The following HERC1 variants were observed in gnomAD, a reference collection of about 807,000 sequenced individuals.
The protein encoded by HERC1 is HECT and RLD domain containing E3 ubiquitin protein ligase family member 1, also known as probable E3 ubiquitin-protein ligase HERC1.
HERC1 carries 160 observed loss-of-function variants against 554.3 expected under a neutral mutation model. The ratio of observed to expected loss-of-function variants is 0.29; its 90% CI spans 0.25 to 0.33. The LOEUF is 0.33. Among genes scored for constraint, HERC1 ranks in the 10% least tolerant of loss-of-function variants. The pLI is 1.00. For synonymous variants in HERC1, 2,175 were observed against 2,131.7 expected (o/e 1.02, Z -0.56); for missense variants, 4,919 against 5,918.5 (o/e 0.83, Z 5.54).
chr15:63,827,032 T>C (rs1214292925), intron 1 of HERC1, among the ~76,000 whole-genome samples: 1 of 151,756 alleles, frequency 6.6e-6, no homozygotes, highest in Non-Finnish European at 1.5e-5. Flanking sequence ...ACCAAAATAC[T>C]ACGCGCAAGG....
intron 2 of HERC1, among the ~76,000 whole-genome samples, chr15:63,765,333 T>C (rs578023092): frequency 6.8e-4 from 104 of 152,120 alleles, no homozygotes; most frequent in Middle Eastern, 3.4e-3. Context: ...CACAGATCTG[T>C]GTAAACCAAA....
In HERC1 at chr15:63,649,740, A is replaced by G; in HGVS notation, c.10732T>C (p.Cys3578Arg). 1 of 1,613,446 alleles carries G rather than the reference A, an allele frequency of 6.2e-7. No homozygotes were observed. Among genetic ancestry groups the G allele is most frequent in the Non-Finnish European group, 8.5e-7 (1 of 1,179,594 alleles). Reference sequence around the variant, plus strand: ...AGTCATTTACCATCCTTTCGATAGCAATGCTCCAATTCTCGACGGTGCATG... The same window carrying G: ...AGTCATTTACCATCCTTTCGATAGCGATGCTCCAATTCTCGACGGTGCATG... ...STMHRRELEH[C>R]YRKDVSVTCI... Residue 3578 changes from cysteine to arginine, a missense_variant, in exon 54 of 78, where the codon TGC becomes CGC. Physicochemically the swap from Cys to Arg is radical, Grantham distance 180 (BLOSUM62 -3). Around this residue, in one of 11 missense-constraint regions of HERC1, gnomAD observed 1,963 missense variants for 2,228.6 expected, o/e 0.88. Coordinates refer to ENST00000443617, the MANE Select transcript of HERC1 (RefSeq NM_003922.4).
intron 33 of HERC1, among the ~76,000 whole-genome samples, chr15:63,687,128 G>A (rs989749423): frequency 6.6e-6 from 1 of 152,196 alleles, no homozygotes; most frequent in Non-Finnish European, 1.5e-5. Flanking sequence ...TACACAGAAT[G>A]ATGTATATAG....
At chr15:63,681,726 C>G (rs772576953) in intron 34 of HERC1, among the ~76,000 whole-genome samples, 5 of 152,152 alleles carry the variant, frequency 3.3e-5, no homozygotes, top group Non-Finnish European at 1.5e-5. Flanking sequence ...TTGAAGGTGT[C>G]TACGTGACCA....
At chr15:63,784,658 A>G (rs1405173471) in intron 1 of HERC1, among the ~76,000 whole-genome samples, 2 of 151,606 alleles carry the variant, frequency 1.3e-5, no homozygotes, top group Non-Finnish European at 2.9e-5. Context: ...CCCAGGCTGG[A>G]GTGCAGTGGC....
In HERC1 at chr15:63,669,686, A is replaced by C. The variant is rs775126676; in HGVS notation, c.8058T>G (p.Ser2686=). The change falls in exon 40 of 78, where the codon TCT becomes TCG. Residue 2686 remains serine, a synonymous_variant. Coordinates refer to ENST00000443617, the MANE Select transcript of HERC1 (RefSeq NM_003922.4). ...GAAGTACAGTGGTAGTTGGGTAACTAGAGAACATTTGCCTTTAAGAAAATA... is the reference window on the plus strand; with the variant it reads ...GAAGTACAGTGGTAGTTGGGTAACTCGAGAACATTTGCCTTTAAGAAAATA... ...MPLSLLRQMF[S]SYPTTTVLPT... 4.3e-6 allele frequency: 7 copies of C among 1,613,512 alleles called. No individual in the cohort carries two copies. The highest frequency in any genetic ancestry group is 5.9e-6 in the Non-Finnish European group (7 of 1,179,590).
intron 1 of HERC1, among the ~76,000 whole-genome samples, chr15:63,787,893 C>A (rs1319992298): frequency 1.4e-5 from 2 of 141,162 alleles, no homozygotes; most frequent in African/African-American, 5.3e-5. Context: ...TCCAGAAGGT[C>A]AAGGCTGCAG....
At chr15:63,761,832 T>C (rs2075621531) in intron 3 of HERC1, among the ~76,000 whole-genome samples, 1 of 152,238 alleles carries the variant, frequency 6.6e-6, no homozygotes, top group South Asian at 2.1e-4. Flanking sequence ...GAATTAGCAA[T>C]CTTAGTTTAA....
chr15:63,775,513 C>G lies in HERC1; in HGVS notation c.111G>C (p.Leu37=), dbSNP rs190733516. 20 of 1,613,992 alleles carry G rather than the reference C, an allele frequency of 1.2e-5. No individual in the cohort carries two copies. The highest frequency in any genetic ancestry group is 1.7e-5 in the Non-Finnish European group (20 of 1,179,876). ...CCTTATTGCTAACCAGTTTAGAATA[C>G]AGAACAGCAACTCCCTCTCTTGTAG... ...SIATREGVAV[L]YSKLVSNKEV... Residue 37 remains leucine (L), a synonymous_variant, in exon 2 of 78, where the codon CTG becomes CTC. Transcript: ENST00000443617. The surrounding 1 kb of genome is among the most constrained non-coding windows in gnomAD (Gnocchi z 4.0).
intron 1 of HERC1, among the ~76,000 whole-genome samples, chr15:63,789,465 T>C (rs2076563096): frequency 6.6e-6 from 1 of 152,006 alleles, no homozygotes; most frequent in Non-Finnish European, 1.5e-5. Flanking sequence ...TAGAGTCAAG[T>C]AGAATATAAG....
chr15:63,674,674 G>A lies in HERC1; in HGVS notation c.7514C>T (p.Ala2505Val). The A allele has an allele frequency of 4.3e-6, 7 of 1,613,816 alleles. No individual in the cohort carries two copies. Among genetic ancestry groups the A allele is most frequent in the Non-Finnish European group, 5.9e-6 (7 of 1,179,784 alleles). ...NHDVAQSEIR[A>V]VQLSYLYLGA... Reference sequence around the variant, plus strand: ...GAGGTAAAGATAGGACAGCTGGACTGCTCTGATTTCTGACTGGGCTACATC... The same window carrying A: ...GAGGTAAAGATAGGACAGCTGGACTACTCTGATTTCTGACTGGGCTACATC... Residue 2505 changes from alanine to valine, a missense_variant, in exon 38 of 78, where the codon GCA (alanine) becomes GTA (valine). Ala to Val is a moderately conservative substitution (Grantham distance 64). Transcript: ENST00000443617.
At chr15:63,782,677 A>G (rs1328132553) in intron 1 of HERC1, among the ~76,000 whole-genome samples, 2 of 152,256 alleles carry the variant, frequency 1.3e-5, no homozygotes, top group Non-Finnish European at 2.9e-5. Context: ...GTAAGGCTAT[A>G]GCTGCCACAG....
chr15:63,701,909 C>G (rs2072741463), intron 25 of HERC1, among the ~76,000 whole-genome samples: 1 of 151,920 alleles, frequency 6.6e-6, no homozygotes, highest in South Asian at 2.1e-4. Flanking sequence ...GCATTAAAAG[C>G]TTCTACATAA....
intron 23 of HERC1, 150 bp downstream of exon 23, chr15:63,713,203 T>A: frequency 1.4e-6 from 1 of 735,266 alleles, no homozygotes; most frequent in South Asian, 1.9e-5. Context: ...GTATTTACTT[T>A]ACTTTAAGTT....
rs1319579343 is a variant in HERC1, at chr15:63,661,881, A to G, written c.9042T>C (p.Asn3014=). The stretch of plus-strand genomic sequence containing the variant: ...CAAACCAGCCATCCACATAGGAACC[A>G]TTGCTGCGATAGCCCTGGCGGTTTG... ...RSANRQGYRS[N]GSYVDGWFGG... Residue 3014 remains asparagine, a synonymous_variant, in exon 45 of 78, where the codon AAT becomes AAC. Transcript: ENST00000443617. The G allele has an allele frequency of 6.2e-7, 1 of 1,613,932 alleles. No individual in the cohort carries two copies. The highest frequency in any genetic ancestry group is 1.7e-5 in the Admixed American group (1 of 60,014).
At chr15:63,735,241 A>G (rs1258857057) in intron 12 of HERC1, among the ~76,000 whole-genome samples, 1 of 152,082 alleles carries the variant, frequency 6.6e-6, no homozygotes, top group East Asian at 1.9e-4. Context: ...AGGGAAAGTA[A>G]AAGGGTGCAG....
rs543430899 is a variant in HERC1 at position 63,783,514 on chromosome 15, A to G, written c.-26-7865T>C. ...TATACGGTACACATAACCTTTATAT[A>G]CACTGAGAAACCAAAAAAACTGTGT... On this transcript the variant is annotated intron_variant, in intron 1 of 77. Transcript: ENST00000443617. Among the ~76,000 whole-genome samples, 8 of 151,796 alleles carry G rather than the reference A, an allele frequency of 5.3e-5. 1 individual carries two copies. Among genetic ancestry groups the G allele is most frequent in the African/African-American group, 1.9e-4 (8 of 41,056 alleles).
chr15:63,666,903 A>T lies in HERC1; in HGVS notation c.8207-431T>A, dbSNP rs530013610. On this transcript the variant is annotated intron_variant, in intron 40 of 77. Transcript: ENST00000443617. ...GCTCTGCCTTCATGTTTCAGCTCTC[A>T]TGTGAAAAACAAGTGTCCTTTTCAT... Among the ~76,000 whole-genome samples the T allele has an allele frequency of 5.8e-4, 88 of 152,352 alleles. 2 individuals carry two copies. The highest frequency in any genetic ancestry group is 1.9e-3 in the African/African-American group (81 of 41,576).
chr15:63,776,804 TAAG>T (rs2076132027), intron 1 of HERC1, among the ~76,000 whole-genome samples: 1 of 151,924 alleles, frequency 6.6e-6, no homozygotes, highest in Non-Finnish European at 1.5e-5. Context: ...CGTCTCTACA[TAAG>T]AAAATAAAAA....
Sources: allele counts gnomAD v4.1 joint callset (sites outside exome capture counted in the v4.1 genomes callset), GRCh38; gene constraint gnomAD v4.1.1; regional missense constraint gnomAD v4.1.1; non-coding constraint Gnocchi (gnomAD v3.1); transcripts MANE v1.5; gene names NCBI Gene and HGNC (gene_info 2026-07-23, HGNC 2026-07-21).